The following ECI1 variants were observed in gnomAD, a reference collection of about 807,000 sequenced individuals.
The protein encoded by ECI1 is enoyl-CoA delta isomerase 1, mitochondrial.
In ECI1, 34 loss-of-function variants were observed where a neutral mutation model predicts 34.2. That is an observed-to-expected ratio of 1.00 (90% CI 0.76 to 1.33). The LOEUF (loss-of-function observed/expected upper bound fraction) is 1.33. Ranked by LOEUF, ECI1 falls within the 40% of genes most tolerant of loss-of-function variation. The pLI, the probability that ECI1 is intolerant of heterozygous loss-of-function variation, is 0.00. For missense variants in ECI1, 456 were observed against 422.2 expected (o/e 1.08, Z -0.70); for synonymous variants, 211 against 193.0 (o/e 1.09, Z -0.77).
At chr16:2,244,833 G>A (rs1490226014) in intron 3 of ECI1, among the ~76,000 whole-genome samples, 1 of 152,228 alleles carries the variant, frequency 6.6e-6, no homozygotes, top group Non-Finnish European at 1.5e-5. Context: ...GGACATAAGT[G>A]CGCCGGCCCT....
chr16:2,248,101 C>T (rs1345797700), intron 2 of ECI1, among the ~76,000 whole-genome samples: 1 of 152,098 alleles, frequency 6.6e-6, no homozygotes, highest in African/African-American at 2.4e-5. Context: ...CTTTCTCTCT[C>T]TATCATTTTT....
At chr16:2,247,105 T>A (rs1010395454) in intron 2 of ECI1, 119 bp from the exon 3 acceptor site, 10 of 1,286,696 alleles carry the variant, frequency 7.8e-6, no homozygotes, top group Admixed American at 2.1e-5. Context: ...TTTATTAATT[T>A]ATTTATTTAG....
intron 4 of ECI1, among the ~76,000 whole-genome samples, chr16:2,243,723 G>T (rs966944828): frequency 2.6e-5 from 4 of 152,202 alleles, no homozygotes; most frequent in South Asian, 2.1e-4. Flanking sequence ...TCAGTTAGGG[G>T]AGCAAGTCGC....
Position 2,251,246 on chromosome 16 carries a change from G to A in ECI1, c.166+70C>T, listed in dbSNP as rs1215028518. The A allele has an allele frequency of 6.9e-6, 5 of 727,032 alleles. No individual in the cohort carries two copies. The African/African-American group carries it at 9.5e-5, about 14-fold the overall frequency. The allele number at this position is 727,032 out of a possible 1,614,324, so 45.0% of individuals were successfully genotyped here. A position where few individuals can be genotyped will look rare whatever the true frequency, so the allele number is the denominator to read the frequency against. ...CGTCGACAGACGTGGTTCTCCGACA[G>A]CACCCCGCGAGCGCGGACCCCCGCG... On this transcript the variant is annotated intron_variant, in intron 2 of 6. Transcript: ENST00000301729.
chr16:2,243,120 A>T lies in ECI1; in HGVS notation c.668T>A (p.Val223Glu), dbSNP rs2093531657. Residue 223 changes from valine (V) to glutamate (E), a missense_variant, in exon 6 of 7, where the codon GTG becomes GAG. Val to Glu is a moderately radical substitution (Grantham distance 121, BLOSUM62 -2). Coordinates refer to ENST00000301729, the MANE Select transcript of ECI1 (RefSeq NM_001919.4). ...PPAEALQVGI[V>E]DQVVPEEQVQ... ...CTGCTCCTCCGGGACCACCTGGTCC[A>T]CTATGCCCACCTGCAGGGCCTCCGC... 6.2e-7 allele frequency: 1 copy of T among 1,606,336 alleles called. No individual in the cohort carries two copies. Among genetic ancestry groups the T allele is most frequent in the Non-Finnish European group, 8.5e-7 (1 of 1,179,812 alleles).
chr16:2,250,328 T>C (rs1000710985), intron 2 of ECI1, among the ~76,000 whole-genome samples: 1 of 150,626 alleles, frequency 6.6e-6, no homozygotes, highest in South Asian at 2.1e-4. Flanking sequence ...CTCAAGTTTG[T>C]AGAGAGAGCC....
chr16:2,246,532 G>A (rs1457710099), intron 3 of ECI1, among the ~76,000 whole-genome samples: 3 of 152,126 alleles, frequency 2.0e-5, no homozygotes, highest in Non-Finnish European at 4.4e-5. Context: ...CAGGAGGGCT[G>A]CCTCTTGGGA....
chr16:2,244,383 C>T (rs909540211), intron 4 of ECI1, 23 bp downstream of exon 4: 1 of 1,610,554 alleles, frequency 6.2e-7, no homozygotes, highest in Admixed American at 1.7e-5. Flanking sequence ...CCAGCGAGGC[C>T]ACCTGGGAGT....
intron 3 of ECI1, among the ~76,000 whole-genome samples, chr16:2,244,799 C>T (rs547356429): frequency 1.9e-4 from 29 of 152,344 alleles, no homozygotes; most frequent in Middle Eastern, 6.8e-3. Context: ...TAGGAGAGGA[C>T]AGGCAGCGCC....
At chr16:2,248,010 T>G (rs765630541) in intron 2 of ECI1, among the ~76,000 whole-genome samples, 1 of 152,152 alleles carries the variant, frequency 6.6e-6, no homozygotes, top group Non-Finnish European at 1.5e-5. Flanking sequence ...TTTTTTACAT[T>G]GAAGTAAGAT....
At chr16:2,241,327 A>T (rs1288206158) in intron 6 of ECI1, among the ~76,000 whole-genome samples, 1 of 151,890 alleles carries the variant, frequency 6.6e-6, no homozygotes, top group African/African-American at 2.4e-5. Context: ...GAGGAGTCTC[A>T]CTCTGTCGTC....
At chr16:2,247,856 G>A (rs184500675) in intron 2 of ECI1, among the ~76,000 whole-genome samples, 63 of 152,142 alleles carry the variant, frequency 4.1e-4, no homozygotes, top group African/African-American at 1.4e-3. Context: ...ATAGGCAAGC[G>A]CCACCACACC....
At chr16:2,250,735 G>A (rs545283710) in intron 2 of ECI1, among the ~76,000 whole-genome samples, 2 of 152,338 alleles carry the variant, frequency 1.3e-5, no homozygotes, top group South Asian at 2.1e-4. Flanking sequence ...GTTAACAAAC[G>A]TAATTTTATT....
chr16:2,249,654 G>A (rs1374019153), intron 2 of ECI1, among the ~76,000 whole-genome samples: 3 of 150,556 alleles, frequency 2.0e-5, no homozygotes, highest in Non-Finnish European at 3.0e-5. Context: ...GGTGGATCAC[G>A]AGGTCAGGAG....
Position 2,251,368 on chromosome 16 carries a change from G to C in ECI1, c.114C>G (p.Gly38=). 1 of 1,245,786 alleles carries C rather than the reference G, an allele frequency of 8.0e-7. No individual in the cohort carries two copies. Among genetic ancestry groups the C allele is most frequent in the Non-Finnish European group, 1.0e-6 (1 of 996,662 alleles). The allele number at this position is 1,245,786 out of a possible 1,614,324, so 77.2% of individuals were successfully genotyped here. A position where few individuals can be genotyped will look rare whatever the true frequency, so the allele number is the denominator to read the frequency against. ...RTERAAGGGD[G]ARRFGSQRVL... ...CCCGCTGGCTCCCGAAGCGCCGCGC[G>C]CCGTCTCCGCCGCCGGCCGCCCGCT... The change falls in exon 2 of 7, where the codon GGC becomes GGG. Residue 38 remains glycine (G), a synonymous_variant. Transcript: ENST00000301729.
chr16:2,245,375 G>A (rs573545893), intron 3 of ECI1, among the ~76,000 whole-genome samples: 4 of 152,358 alleles, frequency 2.6e-5, no homozygotes, highest in East Asian at 1.9e-4. Flanking sequence ...GAAGGAGGGC[G>A]ACAGCCACCT....
chr16:2,242,147 C>A (rs1001179360), intron 6 of ECI1, among the ~76,000 whole-genome samples: 1 of 152,148 alleles, frequency 6.6e-6, no homozygotes, highest in Non-Finnish European at 1.5e-5. Context: ...TGTGAGCCAC[C>A]GCGCCTGGCC....
chr16:2,243,891 C>T (rs969319530), intron 4 of ECI1, among the ~76,000 whole-genome samples: 1 of 152,200 alleles, frequency 6.6e-6, no homozygotes, highest in African/African-American at 2.4e-5. Context: ...CAGGTACCCA[C>T]TGCCCCGCGC....
rs538123254 is a variant in ECI1, at chr16:2,244,466, G to A, written c.381C>T (p.Ala127=). The A allele has an allele frequency of 1.6e-5, 26 of 1,611,992 alleles. No individual in the cohort carries two copies. The highest frequency in any genetic ancestry group is 6.7e-5 in the African/African-American group (5 of 75,040). The stretch of plus-strand genomic sequence containing the variant: ...ACAACCGCAGCCACAGCTCCTGAAC[G>A]GCCTTCCAGTACCCAGCGTAGTGGG... The part of the protein sequence containing the change: ...SPAHYAGYWK[A]VQELWLRLYQ... The change falls in exon 4 of 7, where the codon GCC becomes GCT. Residue 127 remains alanine (A), a synonymous_variant. Transcript: ENST00000301729.
Sources: gnomAD v4.1 joint callset for allele counts (sites outside exome capture counted in the v4.1 genomes callset) on GRCh38, gnomAD v4.1.1 for gene constraint, MANE v1.5 for transcripts, NCBI Gene and HGNC (gene_info 2026-07-23, HGNC 2026-07-21) for gene names.